Variants in FOXP1 observed in about 807,000 individuals in gnomAD.
FOXP1 encodes the protein forkhead box P1.
In FOXP1, 15 loss-of-function variants were observed where a neutral mutation model predicts 98.2. The ratio of observed to expected loss-of-function variants is 0.15; its 90% CI spans 0.10 to 0.24. FOXP1 has a LOEUF of 0.24. Ranked by LOEUF, FOXP1 falls within the 10% of genes least tolerant of loss-of-function variation. The pLI, the probability that FOXP1 is intolerant of heterozygous loss-of-function variation, is 1.00. For missense variants in FOXP1, 633 were observed against 848.5 expected, an observed-to-expected ratio of 0.75 and a Z score of 3.15; for synonymous variants, 371 against 314.5, an observed-to-expected ratio of 1.18 and a Z score of -1.90.
At chr3:71,013,346 C>A (rs2043942552) in intron 12 of FOXP1, among the ~76,000 whole-genome samples, 1 of 152,158 alleles carries the variant, frequency 6.6e-6, no homozygotes, top group Non-Finnish European at 1.5e-5. Context: ...AATCACCCAG[C>A]TGCAATTGGC....
At chr3:71,235,288 G>A (rs1222988041) in intron 5 of FOXP1, among the ~76,000 whole-genome samples, 1 of 152,162 alleles carries the variant, frequency 6.6e-6, no homozygotes, top group Non-Finnish European at 1.5e-5. Context: ...GCTTTCCCTA[G>A]ATCATCTATA....
chr3:71,459,543 T>C (rs1052115297), intron 3 of FOXP1, among the ~76,000 whole-genome samples: 2 of 152,212 alleles, frequency 1.3e-5, no homozygotes, highest in South Asian at 2.1e-4. Flanking sequence ...ATTTGTGAAA[T>C]TGTCACAAAA....
chr3:71,325,680 T>TATC (rs1560308838), intron 4 of FOXP1, among the ~76,000 whole-genome samples: 1 of 149,690 alleles, frequency 6.7e-6, no homozygotes, highest in Non-Finnish European at 1.5e-5. Flanking sequence ...TTATTATTAT[T>TATC]ATCACTATTT....
rs1478304 is a variant in FOXP1 at position 71,067,551 on chromosome 3, C to T, written c.283-13778G>A. On this transcript the variant is annotated intron_variant, in intron 7 of 20. Coordinates refer to ENST00000649528, the MANE Select transcript of FOXP1 (RefSeq NM_001349338.3). ...TAATCTGAACACAAATTCCAGCCCT[C>T]ATTGTACAGAGGAGGAAACTGAGGC... Among the ~76,000 whole-genome samples the T allele has an allele frequency of 3.3e-3, 503 of 152,196 alleles. 4 individuals are homozygous for T. The highest frequency in any genetic ancestry group is 4.9e-3 in the Non-Finnish European group (336 of 68,014).
At chr3:70,967,687 G>GTTTTTTTTTTTTTTTTTTTT (rs67711426) in intron 19 of FOXP1, among the ~76,000 whole-genome samples, 22 of 61,340 alleles carry the variant, frequency 3.6e-4, no homozygotes, top group South Asian at 1.2e-3. Flanking sequence ...ACTATTATTT[G>GTTTTTTTTTTTTTTTTTTTT]TTTTTTTTTT....
chr3:71,230,692 T>C (rs1358095303), intron 5 of FOXP1, among the ~76,000 whole-genome samples: 1 of 152,106 alleles, frequency 6.6e-6, no homozygotes, highest in Admixed American at 6.6e-5. Context: ...AACTCAAGAG[T>C]ACAGGGCTCA....
intron 11 of FOXP1, among the ~76,000 whole-genome samples, chr3:71,031,878 G>A (rs1378814521): frequency 6.6e-6 from 1 of 152,218 alleles, no homozygotes; most frequent in East Asian, 1.9e-4. Context: ...CCATGTGGAT[G>A]TGTGTTTTTA....
At chr3:71,214,426 T>C (rs1308250329) in intron 5 of FOXP1, among the ~76,000 whole-genome samples, 1 of 152,152 alleles carries the variant, frequency 6.6e-6, no homozygotes, top group African/African-American at 2.4e-5. Context: ...GGCCACTGGA[T>C]GACTACAGGG....
At chr3:71,340,094 T>C (rs981252051) in intron 4 of FOXP1, among the ~76,000 whole-genome samples, 1 of 152,226 alleles carries the variant, frequency 6.6e-6, no homozygotes, top group Admixed American at 6.5e-5. Context: ...CATATGTGTA[T>C]GTACCTGTGT....
chr3:71,263,142 G>A (rs543862915), intron 5 of FOXP1, among the ~76,000 whole-genome samples: 6 of 152,206 alleles, frequency 3.9e-5, no homozygotes, highest in Admixed American at 2.6e-4. Flanking sequence ...TACTCACCCT[G>A]GGCTAGGTCA....
chr3:71,124,383 G>T (rs2059006647), intron 6 of FOXP1, among the ~76,000 whole-genome samples: 1 of 150,658 alleles, frequency 6.6e-6, no homozygotes, highest in Admixed American at 6.6e-5. Context: ...TTGGAAAAAA[G>T]AATATTTAAA....
intron 7 of FOXP1, among the ~76,000 whole-genome samples, chr3:71,076,829 T>C (rs1257974531): frequency 6.6e-6 from 1 of 152,160 alleles, no homozygotes; most frequent in Non-Finnish European, 1.5e-5. Flanking sequence ...CACACATACA[T>C]AGTTTTCCTC....
intron 4 of FOXP1, among the ~76,000 whole-genome samples, chr3:71,340,465 C>T (rs1003112271): frequency 1.3e-5 from 2 of 152,152 alleles, no homozygotes; most frequent in Admixed American, 6.5e-5. Flanking sequence ...GAGTTTGCCA[C>T]GTGGCCTCCA....
intron 7 of FOXP1, among the ~76,000 whole-genome samples, chr3:71,103,500 G>C (rs549219107): frequency 1.3e-5 from 2 of 152,144 alleles, no homozygotes; most frequent in African/African-American, 2.4e-5. Context: ...TTTCCTGACC[G>C]GGCAGGGTGC....
chr3:71,582,844 GCTGA>G (rs1173398315), intron 1 of FOXP1: 56 of 967,424 alleles, frequency 5.8e-5, no homozygotes, highest in Non-Finnish European at 6.8e-5. Flanking sequence ...CTTCCTCGCC[GCTGA>G]CTCTCGGGGT....
At chr3:71,179,497 T>C (rs908674597) in intron 6 of FOXP1, among the ~76,000 whole-genome samples, 3 of 152,234 alleles carry the variant, frequency 2.0e-5, no homozygotes, top group Non-Finnish European at 4.4e-5. Context: ...AGAAAAACAT[T>C]AGCCCATGAA....
chr3:70,960,680 T>A (rs2033167167), intron 20 of FOXP1, among the ~76,000 whole-genome samples: 1 of 152,078 alleles, frequency 6.6e-6, no homozygotes, highest in Admixed American at 6.6e-5. Context: ...AAATAATTGA[T>A]GCTGTATGCA....
intron 4 of FOXP1, among the ~76,000 whole-genome samples, chr3:71,321,301 A>T (rs2075378552): frequency 6.6e-6 from 1 of 152,164 alleles, no homozygotes; most frequent in Non-Finnish European, 1.5e-5. Flanking sequence ...CCTTCAAAAC[A>T]GTGTGGAAGA....
chr3:71,304,590 A>T (rs1169069929), intron 4 of FOXP1: 1 of 152,246 alleles, frequency 6.6e-6, no homozygotes, highest in Non-Finnish European at 1.5e-5. Context: ...CAATAGCACT[A>T]ATCACAGAAG....
Sources: gnomAD v4.1 joint callset for allele counts (sites outside exome capture counted in the v4.1 genomes callset) on GRCh38, gnomAD v4.1.1 for gene constraint, MANE v1.5 for transcripts, NCBI Gene and HGNC (gene_info 2026-07-23, HGNC 2026-07-21) for gene names.